The following COL15A1 variants were observed in gnomAD, a reference collection of about 807,000 sequenced individuals.
COL15A1 encodes collagen alpha-1(XV) chain.
In COL15A1, 111 loss-of-function variants were observed where a neutral mutation model predicts 165.9. The ratio of observed to expected loss-of-function variants is 0.67; its 90% CI spans 0.57 to 0.78. The LOEUF is 0.78. COL15A1 is among the 30% of genes least tolerant of loss of function. The pLI is 0.00. For synonymous variants in COL15A1, 659 were observed against 674.8 expected (o/e 0.98, Z 0.36); for missense variants, 1,745 against 1,789.7 (o/e 0.98, Z 0.45).
rs555441377 is a variant in COL15A1, at chr9:99,070,499, T to A, written c.*613T>A. The A allele has an allele frequency of 6.9e-6, 2 of 290,986 alleles. No individual in the cohort carries two copies. The highest frequency in any genetic ancestry group is 1.1e-4 in the Admixed American group (2 of 18,946). 18.0% of individuals were successfully genotyped at this position (290,986 alleles called of 1,614,324 possible). ...TTTACACAATCATATTTTAGTATGG[T>A]GTCTGTTTATGTAACTCTGACTTGC... is the stretch of plus-strand genomic sequence containing the variant. On this transcript the variant is annotated 3_prime_UTR_variant, in exon 42 of 42. Coordinates refer to ENST00000375001, the MANE Select transcript of COL15A1 (RefSeq NM_001855.5).
chr9:99,004,964 C>G lies in COL15A1; in HGVS notation c.1267C>G (p.Pro423Ala). The change falls in exon 9 of 42, where the codon CCT (proline) becomes GCT (alanine). Residue 423 changes from proline (P) to alanine (A), a missense_variant. By Grantham distance (27) the Pro-to-Ala change is conservative (BLOSUM62 -1). Transcript: ENST00000375001. The stretch of plus-strand genomic sequence containing the variant: ...GGAGGCCGAGGCACTCGCCAGCATG[C>G]CTGGGGAAGTGGAGGCCAGTGGTGT... ...AGEAEALASM[P>A]GEVEASGVAP... 6.2e-7 allele frequency: 1 copy of G among 1,614,056 alleles called. No individual in the cohort carries two copies.
chr9:99,059,860 T>C, intron 35 of COL15A1, 29 bp from the exon 36 acceptor site: 1 of 1,611,832 alleles, frequency 6.2e-7, no homozygotes, highest in Non-Finnish European at 8.5e-7. Context: ...GTGGTTTTTG[T>C]GTAACTTCTC....
At chr9:98,961,799 A>G (rs1837870360) in intron 2 of COL15A1, among the ~76,000 whole-genome samples, 1 of 152,244 alleles carries the variant, frequency 6.6e-6, no homozygotes, top group African/African-American at 2.4e-5. Flanking sequence ...CTTATCAGAC[A>G]GTGAATTGCT....
At chr9:98,990,024 C>CA (rs1838390249) in intron 5 of COL15A1, among the ~76,000 whole-genome samples, 1 of 152,202 alleles carries the variant, frequency 6.6e-6, no homozygotes, top group East Asian at 1.9e-4. Flanking sequence ...ACTTTGTAAA[C>CA]GTATCTCTAA....
At chr9:98,990,290 T>A (rs1838396164) in intron 5 of COL15A1, among the ~76,000 whole-genome samples, 1 of 152,098 alleles carries the variant, frequency 6.6e-6, no homozygotes, top group African/African-American at 2.4e-5. Flanking sequence ...CGGACTGGGG[T>A]AACAGCATGA....
chr9:98,976,253 T>C (rs980295363), intron 2 of COL15A1, among the ~76,000 whole-genome samples: 1 of 152,218 alleles, frequency 6.6e-6, no homozygotes, highest in Admixed American at 6.5e-5. Flanking sequence ...TAAGCATTAA[T>C]GAAGTGAGAG....
chr9:99,053,718 G>A (rs114165407), intron 31 of COL15A1, among the ~76,000 whole-genome samples: 1,760 of 152,220 alleles, frequency 0.012, 24 homozygotes, highest in African/African-American at 0.037. Flanking sequence ...TGTAGTTGCC[G>A]CTCCCTACTG....
intron 4 of COL15A1, among the ~76,000 whole-genome samples, chr9:98,988,113 C>T (rs538219201): frequency 1.3e-5 from 2 of 152,276 alleles, no homozygotes; most frequent in East Asian, 3.9e-4. Flanking sequence ...CAGAAGGTAG[C>T]GCATTCCTGC....
At chr9:98,977,106 T>C (rs1838154567) in intron 2 of COL15A1, among the ~76,000 whole-genome samples, 1 of 152,168 alleles carries the variant, frequency 6.6e-6, no homozygotes, top group South Asian at 2.1e-4. Flanking sequence ...AAGCACTCTG[T>C]GTGCTAAGCA....
chr9:98,992,260 G>A (rs992423906), intron 5 of COL15A1, among the ~76,000 whole-genome samples: 30 of 152,358 alleles, frequency 2.0e-4, no homozygotes, highest in African/African-American at 5.1e-4. Flanking sequence ...GCGGGAAGGC[G>A]GCTGAGGCCC....
intron 38 of COL15A1, among the ~76,000 whole-genome samples, 181 bp downstream of exon 38, chr9:99,062,485 A>G (rs1825833450): frequency 6.6e-6 from 1 of 152,248 alleles, no homozygotes; most frequent in African/African-American, 2.4e-5. Flanking sequence ...GAGCGGAGGA[A>G]TAACTAGATC....
intron 2 of COL15A1, among the ~76,000 whole-genome samples, chr9:98,948,316 C>G (rs1010395045): frequency 6.6e-6 from 1 of 151,996 alleles, no homozygotes; most frequent in South Asian, 2.1e-4. Context: ...ACACACTTGT[C>G]GGCCGGGCGC....
At chr9:98,962,100 A>T (rs1440162883) in intron 2 of COL15A1, among the ~76,000 whole-genome samples, 1 of 152,244 alleles carries the variant, frequency 6.6e-6, no homozygotes, top group Non-Finnish European at 1.5e-5. Flanking sequence ...AGGTCGGACC[A>T]GCGCTAAGGT....
At chr9:98,990,785 C>T (rs1467577810) in intron 5 of COL15A1, among the ~76,000 whole-genome samples, 1 of 152,146 alleles carries the variant, frequency 6.6e-6, no homozygotes, top group Admixed American at 6.5e-5. Flanking sequence ...TTCTTGATAC[C>T]ACTGTGTACC....
intron 4 of COL15A1, among the ~76,000 whole-genome samples, chr9:98,988,578 T>A (rs980089248): frequency 2.0e-5 from 3 of 151,390 alleles, no homozygotes; most frequent in Admixed American, 6.6e-5. Context: ...TTAGAGAGAG[T>A]GAGAAATCAT....
intron 2 of COL15A1, among the ~76,000 whole-genome samples, chr9:98,981,241 T>C (rs1838231756): frequency 6.6e-6 from 1 of 152,196 alleles, no homozygotes; most frequent in African/African-American, 2.4e-5. Context: ...GCGGATCACC[T>C]GAGGTCAGGA....
chr9:99,029,850 G>T (rs902186037), intron 16 of COL15A1, among the ~76,000 whole-genome samples: 1 of 152,028 alleles, frequency 6.6e-6, no homozygotes, highest in Non-Finnish European at 1.5e-5. Context: ...ACCTGAACCC[G>T]GGAGGCCGGG....
intron 6 of COL15A1, among the ~76,000 whole-genome samples, chr9:98,997,408 C>T (rs1315932895): frequency 1.3e-5 from 2 of 152,170 alleles, no homozygotes; most frequent in African/African-American, 4.8e-5. Context: ...TGTAATAATC[C>T]TTGCTCTTTG....
intron 2 of COL15A1, among the ~76,000 whole-genome samples, chr9:98,945,096 C>T (rs1837557100): frequency 1.3e-5 from 2 of 152,108 alleles, no homozygotes; most frequent in Admixed American, 1.3e-4. Flanking sequence ...AATGTGCTTC[C>T]CATGATTCCA....
Sources: allele counts gnomAD v4.1 joint callset (sites outside exome capture counted in the v4.1 genomes callset), GRCh38; gene constraint gnomAD v4.1.1; transcripts MANE v1.5; gene names NCBI Gene and HGNC (gene_info 2026-07-23, HGNC 2026-07-21).